CPEB3: variants seen among roughly 807,000 people sequenced by gnomAD.
The protein encoded by CPEB3 is cytoplasmic polyadenylation element binding protein 3, also known as cytoplasmic polyadenylation element-binding protein 3.
Under a neutral mutation model 67.2 loss-of-function variants are expected in CPEB3, and 20 were observed. The observed-to-expected ratio is 0.30, with a 90% CI of 0.21 to 0.43. CPEB3 has a LOEUF of 0.43. CPEB3 is among the 20% of genes least tolerant of loss of function. The pLI is 1.00. For synonymous variants in CPEB3, 376 were observed against 393.1 expected, an observed-to-expected ratio of 0.96 and a Z score of 0.51; for missense variants, 746 against 968.6, an observed-to-expected ratio of 0.77 and a Z score of 3.05.
chr10:92,180,721 C>T (rs774683541), intron 4 of CPEB3, among the ~76,000 whole-genome samples: 3 of 152,164 alleles, frequency 2.0e-5, no homozygotes, highest in East Asian at 1.9e-4. Context: ...TACAGACCTC[C>T]GGGCCTCATC....
intron 1 of CPEB3, among the ~76,000 whole-genome samples, chr10:92,289,934 G>T (rs11816877): frequency 1.6e-5 from 2 of 125,680 alleles, no homozygotes; most frequent in African/African-American, 3.6e-5. Context: ...GTGGTGGGGG[G>T]GGGTGGGTGC....
chr10:92,165,619 C>A (rs566344035), intron 4 of CPEB3, among the ~76,000 whole-genome samples: 4 of 152,122 alleles, frequency 2.6e-5, no homozygotes, highest in African/African-American at 4.8e-5. Flanking sequence ...AGTAGAATAT[C>A]TTTCAAAACT....
chr10:92,249,493 T>C (rs1041814823), intron 1 of CPEB3, among the ~76,000 whole-genome samples: 1 of 152,050 alleles, frequency 6.6e-6, no homozygotes, highest in African/African-American at 2.4e-5. Flanking sequence ...TATTTTACAG[T>C]GTACTCTTTA....
At position 92,097,637 on chromosome 10, in the gene CPEB3, T is replaced by A. The variant is rs988619762; in HGVS notation, c.1573-5693A>T. Among the ~76,000 whole-genome samples, 16 of 152,202 alleles carry A rather than the reference T, an allele frequency of 1.1e-4. 1 individual carries two copies. Among genetic ancestry groups the A allele is most frequent in the Admixed American group, 3.3e-4 (5 of 15,278 alleles). On this transcript the variant is annotated intron_variant, in intron 7 of 9. Transcript: ENST00000265997. ...TTTATACCATATAGTGACTTTAACA[T>A]CAGCCTTCAAGAAATCTAAAAGAAC...
chr10:92,086,899 C>G (rs142495889), intron 8 of CPEB3, among the ~76,000 whole-genome samples: 2 of 152,094 alleles, frequency 1.3e-5, no homozygotes, highest in African/African-American at 2.4e-5. Context: ...TTAGGAAAAC[C>G]CTTATCCCTA....
rs1841931384 is a variant in CPEB3, at chr10:92,052,444, A to G, written c.1870-5T>C. 1 of 1,601,814 alleles carries G rather than the reference A, an allele frequency of 6.2e-7. No homozygotes were observed. The highest frequency in any genetic ancestry group is 1.3e-5 in the African/African-American group (1 of 74,728). On this transcript the variant is annotated splice_region_variant and splice_polypyrimidine_tract_variant and intron_variant, in intron 9 of 9. Coordinates refer to ENST00000265997, the MANE Select transcript of CPEB3 (RefSeq NM_014912.5). ...CACATATGGCTTTACTTCAACCTGGACCCAAAGAGGAAAGACAGAGAAAAA... is the reference window on the plus strand; with the variant it reads ...CACATATGGCTTTACTTCAACCTGGGCCCAAAGAGGAAAGACAGAGAAAAA...
intron 9 of CPEB3, among the ~76,000 whole-genome samples, chr10:92,073,038 CTTTTTTTTTTTTTTTTT>C (rs546510647): frequency 1.6e-5 from 1 of 61,234 alleles, no homozygotes; most frequent in Admixed American, 2.5e-4. Context: ...GAATCTCTGT[CTTTTTTTTTTTTTTTTT>C]TTTTTTTTTT....
chr10:92,178,246 C>T (rs1848311934), intron 4 of CPEB3, among the ~76,000 whole-genome samples: 1 of 151,686 alleles, frequency 6.6e-6, no homozygotes, highest in East Asian at 1.9e-4. Flanking sequence ...GCAACCTCTG[C>T]CTCCTGGGTT....
At chr10:92,213,933 A>G (rs906532228) in intron 2 of CPEB3, among the ~76,000 whole-genome samples, 3 of 152,220 alleles carry the variant, frequency 2.0e-5, no homozygotes, top group African/African-American at 7.2e-5. Context: ...AATATAAGCC[A>G]TACTTCTAAA....
In CPEB3 at chr10:92,276,515, G is replaced by A. The variant is rs1222329607; in HGVS notation, c.-12+14411C>T. Among the ~76,000 whole-genome samples the A allele has an allele frequency of 2.0e-5, 3 of 151,942 alleles. No individual in the cohort carries two copies. In the South Asian group the frequency reaches 6.2e-4, roughly 32 times the overall value. On this transcript the variant is annotated intron_variant, in intron 1 of 9. Coordinates refer to ENST00000265997, the MANE Select transcript of CPEB3 (RefSeq NM_014912.5). ...GCTGGTCTTGAACTCCTGACCTCAA[G>A]TGATCCACCTGCCTTGGCCTCCCAA...
chr10:92,257,099 T>C (rs1025184788), intron 1 of CPEB3, among the ~76,000 whole-genome samples: 5 of 152,364 alleles, frequency 3.3e-5, no homozygotes, highest in Middle Eastern at 3.4e-3. Flanking sequence ...CTATGCTTAA[T>C]AATACAAAGT....
At chr10:92,111,861 CAAAAAGCTTCA>C (rs1844760437) in intron 6 of CPEB3, among the ~76,000 whole-genome samples, 1 of 152,106 alleles carries the variant, frequency 6.6e-6, no homozygotes, top group Non-Finnish European at 1.5e-5. Flanking sequence ...CACACACACA[CAAAAAGCTTCA>C]AAAAAGTTTT....
At chr10:92,248,821 A>T (rs923179770) in intron 1 of CPEB3, among the ~76,000 whole-genome samples, 1 of 152,182 alleles carries the variant, frequency 6.6e-6, no homozygotes, top group African/African-American at 2.4e-5. Context: ...AGTCCAATGG[A>T]TGTTTGTCAG....
intron 1 of CPEB3, among the ~76,000 whole-genome samples, chr10:92,269,464 C>T (rs1435273525): frequency 6.6e-6 from 1 of 151,942 alleles, no homozygotes; most frequent in Non-Finnish European, 1.5e-5. Context: ...TCTTCATGTT[C>T]AAATATTTGG....
At chr10:92,098,976 T>G (rs527583685) in intron 7 of CPEB3, among the ~76,000 whole-genome samples, 47 of 151,990 alleles carry the variant, frequency 3.1e-4, no homozygotes, top group Non-Finnish European at 5.4e-4. Context: ...TTCACCATGT[T>G]GGCCAGGCTG....
intron 6 of CPEB3, among the ~76,000 whole-genome samples, chr10:92,117,111 G>A (rs555209736): frequency 6.6e-6 from 1 of 151,926 alleles, no homozygotes; most frequent in Middle Eastern, 3.4e-3. Context: ...TGCAACCTCC[G>A]CCTCCCAGGT....
intron 4 of CPEB3, among the ~76,000 whole-genome samples, chr10:92,169,599 A>C (rs917308167): frequency 6.6e-6 from 1 of 152,232 alleles, no homozygotes; most frequent in South Asian, 2.1e-4. Flanking sequence ...AGTGGCACTT[A>C]AAGTACCTTC....
chr10:92,132,536 C>G (rs1845891755), intron 6 of CPEB3, among the ~76,000 whole-genome samples: 1 of 151,864 alleles, frequency 6.6e-6, no homozygotes, highest in African/African-American at 2.4e-5. Context: ...ATAAATTTAC[C>G]TATATAAAAA....
At chr10:92,144,848 A>C in intron 5 of CPEB3, 97 bp downstream of exon 5, 3 of 1,058,278 alleles carry the variant, frequency 2.8e-6, no homozygotes, top group Non-Finnish European at 4.3e-6. Context: ...GCACTAAGAT[A>C]TAGATGTCCT....
Sources: allele counts gnomAD v4.1 joint callset (sites outside exome capture counted in the v4.1 genomes callset), GRCh38; gene constraint gnomAD v4.1.1; transcripts MANE v1.5; gene names NCBI Gene and HGNC (gene_info 2026-07-23, HGNC 2026-07-21).